The following CYP39A1 variants were observed in gnomAD, a reference collection of about 807,000 sequenced individuals.
CYP39A1 encodes 24-hydroxycholesterol 7-alpha-hydroxylase.
Under a neutral mutation model 58.1 loss-of-function variants are expected in CYP39A1, and 49 were observed. The ratio of observed to expected loss-of-function variants is 0.84; its 90% CI spans 0.67 to 1.07. The LOEUF (loss-of-function observed/expected upper bound fraction) is 1.07, where lower values mean the gene tolerates loss of function less well. Ranked by LOEUF, CYP39A1 falls within the 50% of genes least tolerant of loss-of-function variation. The probability of loss-of-function intolerance (pLI) is 0.00; values close to 1 mark genes in which losing one functional copy is unlikely to be tolerated. For synonymous variants in CYP39A1, 209 were observed against 187.6 expected, an observed-to-expected ratio of 1.11 and a Z score of -0.93; for missense variants, 531 against 539.4, an observed-to-expected ratio of 0.98 and a Z score of 0.16.
Position 46,553,853 on chromosome 6 carries a change from A to G in CYP39A1, c.1252T>C (p.Trp418Arg). The G allele has an allele frequency of 6.3e-7, 1 of 1,582,594 alleles. No homozygotes were observed. Among genetic ancestry groups the G allele is most frequent in the Non-Finnish European group, 8.6e-7 (1 of 1,161,978 alleles). ...ATCTGAACCTCTAACAGAGCAAACC[A>G]CCTGGAAGAAACGAATAAAATTGTT... ...GSGKFQCPAR[W>R]FALLEVQMCI... is the part of the protein sequence containing the mutation. Residue 418 changes from tryptophan to arginine, a missense_variant and splice_region_variant, in exon 11 of 12, where the codon TGG becomes CGG. Transcript: ENST00000275016.
At chr6:46,566,998 G>C (rs750621172) in intron 10 of CYP39A1, among the ~76,000 whole-genome samples, 8 of 152,006 alleles carry the variant, frequency 5.3e-5, no homozygotes, top group Non-Finnish European at 1.0e-4. Context: ...AAGTGGGGGG[G>C]TGAGAAAATT....
At chr6:46,648,596 C>A (rs2150612058) in intron 1 of CYP39A1, among the ~76,000 whole-genome samples, 1 of 151,506 alleles carries the variant, frequency 6.6e-6, no homozygotes, top group Non-Finnish European at 1.5e-5. Flanking sequence ...TTCAGCACAC[C>A]AACATGGCAC....
intron 7 of CYP39A1, among the ~76,000 whole-genome samples, chr6:46,618,242 C>G (rs914083081): frequency 1.3e-5 from 2 of 152,020 alleles, no homozygotes; most frequent in Non-Finnish European, 2.9e-5. Context: ...TTATTATTAA[C>G]CATCTTCCCA....
chr6:46,614,931 G>T (rs561593097), intron 7 of CYP39A1, among the ~76,000 whole-genome samples: 1 of 152,232 alleles, frequency 6.6e-6, no homozygotes, highest in African/African-American at 2.4e-5. Context: ...ACTGAATGAC[G>T]CTGTGTCCCC....
chr6:46,629,938 A>C (rs1775544602), intron 6 of CYP39A1, among the ~76,000 whole-genome samples: 1 of 151,624 alleles, frequency 6.6e-6, no homozygotes, highest in Non-Finnish European at 1.5e-5. Context: ...TTTTAAAAGA[A>C]ACAGTTTTTT....
chr6:46,565,259 C>T (rs806491), intron 10 of CYP39A1, among the ~76,000 whole-genome samples: 28,331 of 151,954 alleles, frequency 0.19, 5,242 homozygotes, highest in African/African-American at 0.47. Context: ...TGCAGTTTGC[C>T]AAACCTTTTA....
At chr6:46,625,794 A>AT (rs1775277989) in intron 6 of CYP39A1, among the ~76,000 whole-genome samples, 1 of 152,066 alleles carries the variant, frequency 6.6e-6, no homozygotes, top group African/African-American at 2.4e-5. Flanking sequence ...AAAAGTTGTT[A>AT]TTTTTACTAA....
At chr6:46,580,808 C>T (rs1280096727) in intron 10 of CYP39A1, among the ~76,000 whole-genome samples, 1 of 152,152 alleles carries the variant, frequency 6.6e-6, no homozygotes, top group African/African-American at 2.4e-5. Context: ...GATAACGTCT[C>T]ACATCATTCA....
chr6:46,568,753 T>C (rs556848280), intron 10 of CYP39A1, among the ~76,000 whole-genome samples: 1 of 152,228 alleles, frequency 6.6e-6, no homozygotes, highest in African/African-American at 2.4e-5. Context: ...TCTACATGTC[T>C]ATCTTTATGT....
intron 2 of CYP39A1, among the ~76,000 whole-genome samples, chr6:46,641,238 G>A (rs1776319376): frequency 6.6e-6 from 1 of 151,926 alleles, no homozygotes; most frequent in Admixed American, 6.6e-5. Context: ...ACAGATCAAA[G>A]GCCTTCAAAA....
intron 10 of CYP39A1, among the ~76,000 whole-genome samples, chr6:46,554,931 A>G (rs955989345): frequency 6.6e-6 from 1 of 152,002 alleles, no homozygotes; most frequent in Non-Finnish European, 1.5e-5. Context: ...GAATCAATTT[A>G]CCTTCCACAT....
At chr6:46,604,845 T>G (rs1773738179) in intron 7 of CYP39A1, among the ~76,000 whole-genome samples, 1 of 152,138 alleles carries the variant, frequency 6.6e-6, no homozygotes, top group South Asian at 2.1e-4. Context: ...AAACATAAGA[T>G]AGCAACTATT....
intron 7 of CYP39A1, among the ~76,000 whole-genome samples, chr6:46,596,540 T>G (rs1188983111): frequency 6.6e-6 from 1 of 152,100 alleles, no homozygotes; most frequent in African/African-American, 2.4e-5. Context: ...GGCCTTTTTC[T>G]TCTGCCTTTA....
Position 46,589,959 on chromosome 6 carries a change from C to T in CYP39A1, c.1066-1830G>A, listed in dbSNP as rs887017467. ...AAGGGAGGAGAACTTCATACAGGTC[C>T]TCAGTAACAGAATTACCACTAGCAA... On this transcript the variant is annotated intron_variant, in intron 8 of 11. Coordinates refer to ENST00000275016, the MANE Select transcript of CYP39A1 (RefSeq NM_016593.5). Among the ~76,000 whole-genome samples, 7 of 152,196 alleles carry T rather than the reference C, an allele frequency of 4.6e-5. No individual in the cohort carries two copies. The South Asian group carries it at 1.2e-3, about 27-fold the overall frequency.
In CYP39A1 at chr6:46,642,368, G is replaced by T. The variant is rs1052077186; in HGVS notation, c.178-70C>A. The T allele has an allele frequency of 2.8e-6, 4 of 1,422,274 alleles. No individual in the cohort carries two copies. In the African/African-American group the frequency reaches 5.8e-5, roughly 21 times the overall value. The allele number at this position is 1,422,274 out of a possible 1,614,324, so 88.1% of individuals were successfully genotyped here. On this transcript the variant is annotated intron_variant, in intron 1 of 11. Transcript: ENST00000275016. ...CCATGTTTAAGACCATTCTCCTCAA[G>T]AATCCTAATGCTGAAGTTATAGTCA...
At position 46,612,608 on chromosome 6, in the gene CYP39A1, T is replaced by C. The variant is rs147854847; in HGVS notation, c.931+12810A>G. On this transcript the variant is annotated intron_variant, in intron 7 of 11. Transcript: ENST00000275016. ...AGGCTAGCAAAGGTAAATGAGGCTATGTGAGAAATTTCCTGCATGATAAGC... is the reference window on the plus strand; with the variant it reads ...AGGCTAGCAAAGGTAAATGAGGCTACGTGAGAAATTTCCTGCATGATAAGC... 1.1e-3 allele frequency among the ~76,000 whole-genome samples: 169 copies of C among 152,326 alleles called. 5 individuals carry two copies. In the South Asian group the frequency reaches 0.012, roughly 11 times the overall value.
At chr6:46,632,021 C>A (rs1775693324) in intron 5 of CYP39A1, among the ~76,000 whole-genome samples, 1 of 152,146 alleles carries the variant, frequency 6.6e-6, no homozygotes, top group African/African-American at 2.4e-5. Flanking sequence ...TTGCTAAGGG[C>A]AAGTACTGTT....
rs1775254741 is a variant in CYP39A1 at position 46,625,447 on chromosome 6, T to G, written c.902A>C (p.Glu301Ala). The G allele has an allele frequency of 6.2e-7, 1 of 1,610,902 alleles. No individual in the cohort carries two copies. The highest frequency in any genetic ancestry group is 1.3e-5 in the African/African-American group (1 of 74,858). Residue 301 changes from glutamate (E) to alanine (A), a missense_variant, in exon 7 of 12, where the codon GAA becomes GCA. Transcript: ENST00000275016. ...SHPDIHKAIM[E>A]GISSVFGKAG... The stretch of plus-strand genomic sequence containing the variant: ...TTTGCCAAACACAGAAGATATGCCT[T>G]CCATAATGGCCTTGTGGATATCAGG...
intron 8 of CYP39A1, among the ~76,000 whole-genome samples, chr6:46,595,177 T>A (rs1356473772): frequency 1.3e-5 from 2 of 151,840 alleles, no homozygotes; most frequent in African/African-American, 4.8e-5. Context: ...GAAGAGGATG[T>A]AGAGAAAAGG....
Sources: gnomAD v4.1 joint callset for allele counts (sites outside exome capture counted in the v4.1 genomes callset) on GRCh38, gnomAD v4.1.1 for gene constraint, MANE v1.5 for transcripts, NCBI Gene and HGNC (gene_info 2026-07-23, HGNC 2026-07-21) for gene names.